The following ADAMTS20 variants were observed in gnomAD, a reference collection of about 807,000 sequenced individuals.
ADAMTS20 encodes the protein ADAM metallopeptidase with thrombospondin type 1 motif 20.
A neutral mutation model predicts 260.1 loss-of-function variants in ADAMTS20; 225 were observed. The ratio of observed to expected loss-of-function variants is 0.87; its 90% CI spans 0.78 to 0.97. ADAMTS20 has a LOEUF of 0.97. ADAMTS20 is among the 50% of genes least tolerant of loss of function. The probability of loss-of-function intolerance (pLI) is 0.00; values close to 1 mark genes in which losing one functional copy is unlikely to be tolerated. For synonymous variants in ADAMTS20, 802 were observed against 769.5 expected (o/e 1.04, Z -0.70); for missense variants, 2,400 against 2,337.7 (o/e 1.03, Z -0.55).
At chr12:43,451,836 T>G (rs954019363) in intron 14 of ADAMTS20, among the ~76,000 whole-genome samples, 1 of 152,114 alleles carries the variant, frequency 6.6e-6, no homozygotes, top group African/African-American at 2.4e-5. Context: ...AATCAATGTT[T>G]GTTGAATGTA....
chr12:43,460,988 A>ATATATATATATATATTTTTTTTTTTTT, intron 11 of ADAMTS20, among the ~76,000 whole-genome samples: 3 of 26,392 alleles, frequency 1.1e-4, no homozygotes, highest in Non-Finnish European at 1.3e-4. Flanking sequence ...ATATATATAT[A>ATATATATATATATATTTTTTTTTTTTT]TTTTTTTTTT....
intron 29 of ADAMTS20, among the ~76,000 whole-genome samples, chr12:43,392,087 G>GA (rs1198164371): frequency 5.3e-5 from 8 of 152,032 alleles, no homozygotes; most frequent in African/African-American, 1.9e-4. Flanking sequence ...AATATTTTCA[G>GA]AAAAAAATAT....
chr12:43,448,824 A>G (rs1941809460), intron 14 of ADAMTS20, among the ~76,000 whole-genome samples: 1 of 152,196 alleles, frequency 6.6e-6, no homozygotes, highest in Admixed American at 6.5e-5. Flanking sequence ...AAAGTGAGCA[A>G]AGAACATGAA....
At chr12:43,522,519 T>C (rs1436654875) in intron 3 of ADAMTS20, among the ~76,000 whole-genome samples, 2 of 151,810 alleles carry the variant, frequency 1.3e-5, no homozygotes, top group Admixed American at 1.3e-4. Context: ...AGGGACAGAG[T>C]GGGTGACAGA....
intron 37 of ADAMTS20, among the ~76,000 whole-genome samples, chr12:43,362,572 A>G (rs946642031): frequency 2.0e-5 from 3 of 152,114 alleles, no homozygotes. Context: ...GCCCATGGAC[A>G]CTCTCTCCAG....
intron 7 of ADAMTS20, among the ~76,000 whole-genome samples, chr12:43,479,051 G>T (rs1414802098): frequency 1.3e-5 from 2 of 152,134 alleles, no homozygotes; most frequent in African/African-American, 4.8e-5. Flanking sequence ...AGTGTCTGGA[G>T]AGTTGAAGAA....
chr12:43,380,889 A>G (rs1213352778), intron 31 of ADAMTS20, among the ~76,000 whole-genome samples: 1 of 152,160 alleles, frequency 6.6e-6, no homozygotes, highest in Non-Finnish European at 1.5e-5. Context: ...AACTGGTCCT[A>G]AAATTCACAT....
chr12:43,550,480 T>C (rs1221483146), intron 2 of ADAMTS20, among the ~76,000 whole-genome samples: 2 of 152,182 alleles, frequency 1.3e-5, no homozygotes, highest in African/African-American at 4.8e-5. Context: ...ATTTTATGTA[T>C]ATTCATTCTC....
Position 43,429,669 on chromosome 12 carries a change from G to A in ADAMTS20, c.3437C>T (p.Pro1146Leu), listed in dbSNP as rs1282601174. 5.6e-6 allele frequency: 9 copies of A among 1,600,102 alleles called. No homozygotes were observed. The highest frequency in any genetic ancestry group is 7.7e-6 in the Non-Finnish European group (9 of 1,172,450). The change falls in exon 24 of 39, where the codon CCA becomes CTA. Residue 1146 changes from proline to leucine, a missense_variant. Pro to Leu is a moderately conservative substitution (Grantham distance 98). Coordinates refer to ENST00000389420, the MANE Select transcript of ADAMTS20 (RefSeq NM_025003.5). The part of the protein sequence containing the change: ...FISKLETALL[P>L]TVLIKKMAQW... Reference sequence around the variant, plus strand: ...TGCCATCTTTTTTATGAGAACAGTTGGTAATAAAGCGGTCTCAAGTTTAGA... The same window carrying A: ...TGCCATCTTTTTTATGAGAACAGTTAGTAATAAAGCGGTCTCAAGTTTAGA...
intron 2 of ADAMTS20, among the ~76,000 whole-genome samples, chr12:43,542,831 T>C (rs185691): frequency 0.93 from 141,145 of 152,234 alleles, 65,869 homozygotes; most frequent in East Asian, 0.99. Context: ...AAGCCTTTGA[T>C]GGAGTTCATT....
At chr12:43,409,056 GT>G (rs1268843080) in intron 28 of ADAMTS20, among the ~76,000 whole-genome samples, 5 of 152,032 alleles carry the variant, frequency 3.3e-5, no homozygotes, top group African/African-American at 1.2e-4. Flanking sequence ...TCCTGAGTGT[GT>G]TTTTATCAAG....
chr12:43,456,643 G>A (rs765611470), intron 11 of ADAMTS20, among the ~76,000 whole-genome samples: 1 of 152,182 alleles, frequency 6.6e-6, no homozygotes, highest in Non-Finnish European at 1.5e-5. Flanking sequence ...CTCACAGATG[G>A]AACAATGGCA....
At chr12:43,432,930 A>C in intron 19 of ADAMTS20, 119 bp from the exon 20 acceptor site, 1 of 849,382 alleles carries the variant, frequency 1.2e-6, no homozygotes, top group South Asian at 1.7e-5. Context: ...CCACCAAAAA[A>C]CAAAACCAGT....
At position 43,375,431 on chromosome 12, in the gene ADAMTS20, T is replaced by A. The variant is rs556361187; in HGVS notation, c.5394A>T (p.Gly1798=). ...TTCTTATTTTGCTGAAAACAGTGTA[T>A]CCAGCAGCTAAGTGTCCATTGTCAC... is the stretch of plus-strand genomic sequence containing the variant. ...CECDNGHLAA[G]YTVFSKIRID... is the part of the protein sequence containing the mutation. The change falls in exon 36 of 39, where the codon GGA becomes GGT. Residue 1798 remains glycine (G), a synonymous_variant. Transcript: ENST00000389420. The A allele has an allele frequency of 2.3e-4, 365 of 1,613,728 alleles. 5 individuals are homozygous for A. In the South Asian group the frequency reaches 3.8e-3, roughly 17 times the overall value.
At chr12:43,415,673 A>G (rs566239897) in intron 28 of ADAMTS20, among the ~76,000 whole-genome samples, 1 of 152,342 alleles carries the variant, frequency 6.6e-6, no homozygotes, top group African/African-American at 2.4e-5. Flanking sequence ...GTAACTTGGC[A>G]AAGGTCACTG....
At chr12:43,400,338 A>G (rs1940785042) in intron 28 of ADAMTS20, among the ~76,000 whole-genome samples, 1 of 152,016 alleles carries the variant, frequency 6.6e-6, no homozygotes, top group Non-Finnish European at 1.5e-5. Flanking sequence ...AGAATATTAG[A>G]CTATATGGCC....
In ADAMTS20 at chr12:43,551,619, G is replaced by T. The variant is rs564168334; in HGVS notation, c.91+212C>A. On this transcript the variant is annotated intron_variant, in intron 1 of 38. Coordinates refer to ENST00000389420, the MANE Select transcript of ADAMTS20 (RefSeq NM_025003.5). This position sits in a 1 kb window ranked among gnomAD's most constrained non-coding sequence, Gnocchi z 4.6. ...CCTGCCCCTTGCGCCCCCGCCGTGT[G>T]GTCCTGGGAGTGCGATGCGTCTTAG... Among the ~76,000 whole-genome samples the T allele has an allele frequency of 1.3e-5, 2 of 152,292 alleles. No individual in the cohort carries two copies. Among genetic ancestry groups the T allele is most frequent in the South Asian group, 4.1e-4 (2 of 4,824 alleles).
chr12:43,360,231 C>T (rs1295217049), intron 37 of ADAMTS20, among the ~76,000 whole-genome samples: 4 of 152,054 alleles, frequency 2.6e-5, no homozygotes, highest in Non-Finnish European at 5.9e-5. Context: ...GATGTATCAC[C>T]TGAGGTCAGG....
chr12:43,458,182 C>G (rs896283920), intron 11 of ADAMTS20, among the ~76,000 whole-genome samples: 1 of 152,302 alleles, frequency 6.6e-6, no homozygotes, highest in South Asian at 2.1e-4. Flanking sequence ...TCCCCACCCC[C>G]CAATGGGGAC....
Sources: gnomAD v4.1 joint callset for allele counts (sites outside exome capture counted in the v4.1 genomes callset) on GRCh38, gnomAD v4.1.1 for gene constraint, Gnocchi (gnomAD v3.1) non-coding constraint, MANE v1.5 for transcripts, NCBI Gene and HGNC (gene_info 2026-07-23, HGNC 2026-07-21) for gene names.